The following PLCB1 variants were observed in gnomAD, a reference collection of about 807,000 sequenced individuals.
PLCB1 encodes the protein 1-phosphatidylinositol 4,5-bisphosphate phosphodiesterase beta-1.
PLCB1 carries 46 observed loss-of-function variants against 161.8 expected under a neutral mutation model. The ratio of observed to expected loss-of-function variants is 0.28; its 90% CI spans 0.22 to 0.36. PLCB1 has a LOEUF of 0.36. Ranked by LOEUF, PLCB1 falls within the 10% of genes least tolerant of loss-of-function variation. The probability of loss-of-function intolerance (pLI) is 1.00; values close to 1 mark genes in which losing one functional copy is unlikely to be tolerated. For synonymous variants in PLCB1, 517 were observed against 503.7 expected, an observed-to-expected ratio of 1.03 and a Z score of -0.35; for missense variants, 1,016 against 1,472.5, an observed-to-expected ratio of 0.69 and a Z score of 5.07.
intron 2 of PLCB1, among the ~76,000 whole-genome samples, chr20:8,180,707 A>T (rs2051831938): frequency 6.6e-6 from 1 of 152,176 alleles, no homozygotes; most frequent in Non-Finnish European, 1.5e-5. Context: ...TCCAAATGAA[A>T]ATTTGGGTTA....
At chr20:8,651,515 C>T in intron 7 of PLCB1, 1 of 717,924 alleles carries the variant, frequency 1.4e-6, no homozygotes. Context: ...AATGCTTGAA[C>T]CTGCTTGCTA....
chr20:8,739,057 C>A (rs1417572249), intron 20 of PLCB1, among the ~76,000 whole-genome samples: 1 of 152,164 alleles, frequency 6.6e-6, no homozygotes, highest in East Asian at 1.9e-4. Context: ...AAGGCTGAGA[C>A]AGGAGAATGG....
chr20:8,709,165 A>T (rs1190600707), intron 12 of PLCB1, among the ~76,000 whole-genome samples: 1 of 151,970 alleles, frequency 6.6e-6, no homozygotes, highest in Non-Finnish European at 1.5e-5. Flanking sequence ...TGTGAATTCC[A>T]TTTTACCAAT....
intron 2 of PLCB1, among the ~76,000 whole-genome samples, chr20:8,357,304 A>C (rs1986392528): frequency 6.6e-6 from 1 of 152,242 alleles, no homozygotes. Context: ...CGGAATCAGC[A>C]TATAGGACCC....
intron 9 of PLCB1, among the ~76,000 whole-genome samples, chr20:8,681,087 T>TGTGTGTATATATAC (rs1555782778): frequency 7.6e-5 from 1 of 13,106 alleles, no homozygotes; most frequent in African/African-American, 6.2e-4. Flanking sequence ...TGTGTGTGTG[T>TGTGTGTATATATAC]ATATATATAT....
At chr20:8,284,615 C>T (rs1184409897) in intron 2 of PLCB1, among the ~76,000 whole-genome samples, 2 of 152,118 alleles carry the variant, frequency 1.3e-5, no homozygotes, top group Non-Finnish European at 2.9e-5. Flanking sequence ...TTGGTTTTAT[C>T]GTCCTGGCAG....
chr20:8,177,598 G>A (rs1322496128), intron 2 of PLCB1, among the ~76,000 whole-genome samples: 1 of 151,792 alleles, frequency 6.6e-6, no homozygotes, highest in Non-Finnish European at 1.5e-5. Context: ...TATGAAGGGT[G>A]CTATGCAGGG....
chr20:8,842,777 G>C (rs1416757254), intron 31 of PLCB1, among the ~76,000 whole-genome samples: 1 of 152,170 alleles, frequency 6.6e-6, no homozygotes, highest in Non-Finnish European at 1.5e-5. Context: ...GGATTTTCAC[G>C]ATACTTTTCC....
intron 2 of PLCB1, among the ~76,000 whole-genome samples, chr20:8,356,524 G>A (rs763724708): frequency 5.3e-5 from 8 of 152,004 alleles, no homozygotes; most frequent in Admixed American, 1.3e-4. Flanking sequence ...AAATCTACGC[G>A]GTTTCTCTGA....
chr20:8,551,481 G>T (rs1251352143), intron 3 of PLCB1, among the ~76,000 whole-genome samples: 1 of 152,096 alleles, frequency 6.6e-6, no homozygotes, highest in African/African-American at 2.4e-5. Flanking sequence ...TATGTTCTTC[G>T]AAGGGTGTGA....
intron 3 of PLCB1, among the ~76,000 whole-genome samples, chr20:8,528,881 T>C (rs1312289816): frequency 6.6e-6 from 1 of 151,990 alleles, no homozygotes; most frequent in East Asian, 1.9e-4. Context: ...ATATTTCCTA[T>C]ATAATGCTAA....
chr20:8,812,468 A>G (rs1984874228), intron 31 of PLCB1, among the ~76,000 whole-genome samples: 1 of 152,140 alleles, frequency 6.6e-6, no homozygotes, highest in Non-Finnish European at 1.5e-5. Context: ...GACAAGACAA[A>G]GAGGCTCCCT....
At chr20:8,318,028 A>G (rs1442682513) in intron 2 of PLCB1, among the ~76,000 whole-genome samples, 1 of 151,258 alleles carries the variant, frequency 6.6e-6, no homozygotes, top group African/African-American at 2.4e-5. Flanking sequence ...TAACATCTCA[A>G]CTTCTTTATT....
intron 2 of PLCB1, among the ~76,000 whole-genome samples, chr20:8,239,805 C>G (rs1041197758): frequency 6.6e-6 from 1 of 151,920 alleles, no homozygotes; most frequent in African/African-American, 2.4e-5. Context: ...CACAAAGAGC[C>G]TTAGCACTGT....
In PLCB1 at chr20:8,592,931, A is replaced by G. The variant is rs551479411; in HGVS notation, c.247-35363A>G. Among the ~76,000 whole-genome samples, 262 of 152,286 alleles carry G rather than the reference A, an allele frequency of 1.7e-3. 1 individual carries two copies. Among genetic ancestry groups the G allele is most frequent in the African/African-American group, 6.1e-3 (255 of 41,570 alleles). Reference sequence around the variant, plus strand: ...CACATTAGGGCCCCCTGAGCAGCTCATGAGATTCCGGAAACCCAGGCTGCA... The same window carrying G: ...CACATTAGGGCCCCCTGAGCAGCTCGTGAGATTCCGGAAACCCAGGCTGCA... On this transcript the variant is annotated intron_variant, in intron 3 of 31. Transcript: ENST00000338037.
chr20:8,733,936 A>C (rs1980430837), intron 19 of PLCB1, among the ~76,000 whole-genome samples: 1 of 147,326 alleles, frequency 6.8e-6, no homozygotes, highest in Non-Finnish European at 1.5e-5. Flanking sequence ...CCTGGCTAAC[A>C]CGGTGAAACC....
At chr20:8,328,643 G>A (rs539391003) in intron 2 of PLCB1, among the ~76,000 whole-genome samples, 1 of 151,732 alleles carries the variant, frequency 6.6e-6, no homozygotes, top group African/African-American at 2.4e-5. Context: ...AAATGAGCAT[G>A]TATATATAAA....
intron 2 of PLCB1, among the ~76,000 whole-genome samples, chr20:8,185,027 T>A (rs2051888265): frequency 6.6e-6 from 1 of 151,618 alleles, no homozygotes; most frequent in Non-Finnish European, 1.5e-5. Flanking sequence ...CACTTATGAG[T>A]GAGAACATGT....
intron 2 of PLCB1, among the ~76,000 whole-genome samples, chr20:8,369,334 A>G (rs1986826574): frequency 6.6e-6 from 1 of 152,098 alleles, no homozygotes; most frequent in East Asian, 1.9e-4. Context: ...TTCACCTCTC[A>G]GATCTCCACT....
Sources: allele counts gnomAD v4.1 joint callset (sites outside exome capture counted in the v4.1 genomes callset), GRCh38; gene constraint gnomAD v4.1.1; transcripts MANE v1.5; gene names NCBI Gene and HGNC (gene_info 2026-07-23, HGNC 2026-07-21).